Variants in MYH11 observed in about 807,000 individuals in gnomAD.
MYH11 encodes myosin-11.
In MYH11, 80 loss-of-function variants were observed where a neutral mutation model predicts 246.6. The ratio of observed to expected loss-of-function variants is 0.32; its 90% CI spans 0.27 to 0.39. MYH11 has a LOEUF of 0.39. MYH11 is among the 10% of genes least tolerant of loss of function. MYH11 has a pLI of 1.00. For missense variants in MYH11, 2,158 were observed against 2,546.8 expected (o/e 0.85, Z 3.29); for synonymous variants, 1,071 against 1,015.5 (o/e 1.05, Z -1.04).
At chr16:15,723,511 G>GT (rs1235071366) in intron 31 of MYH11, among the ~76,000 whole-genome samples, 2 of 147,556 alleles carry the variant, frequency 1.4e-5, no homozygotes, top group Non-Finnish European at 2.9e-5. Context: ...GCCAGACATA[G>GT]TGGTGTGCTC....
chr16:15,759,660 G>C lies in MYH11; in HGVS notation c.1317C>G (p.Arg439=). The change falls in exon 12 of 41, where the codon CGC becomes CGG. Residue 439 remains arginine, a synonymous_variant. Coordinates refer to ENST00000300036, the MANE Select transcript of MYH11 (RefSeq NM_002474.3). ...GGGTCTTGTCCAGGGCTTTGTTCAC[G>C]CGGGTGAGTATCCAGCGGAAAAGGC... ...YERLFRWILT[R]VNKALDKTHR... 6.2e-7 allele frequency: 1 copy of C among 1,614,196 alleles called. No homozygotes were observed. The highest frequency in any genetic ancestry group is 8.5e-7 in the Non-Finnish European group (1 of 1,180,042).
chr16:15,719,171 T>A (rs1567691274), intron 36 of MYH11, 49 bp downstream of exon 36: 1 of 1,530,774 alleles, frequency 6.5e-7, no homozygotes, highest in Non-Finnish European at 9.0e-7. Context: ...ATGCTGCCTG[T>A]CCCCCCATCC....
At chr16:15,780,748 G>T (rs1238674993) in intron 6 of MYH11, among the ~76,000 whole-genome samples, 1 of 151,856 alleles carries the variant, frequency 6.6e-6, no homozygotes, top group East Asian at 1.9e-4. Flanking sequence ...CTCCCAAGGT[G>T]CTGGGTTTAC....
At chr16:15,757,149 G>C (rs938886731) in intron 13 of MYH11, among the ~76,000 whole-genome samples, 9 of 151,434 alleles carry the variant, frequency 5.9e-5, no homozygotes, top group Admixed American at 5.9e-4. Flanking sequence ...ATTCACCTAG[G>C]GTTCCTGTTA....
intron 3 of MYH11, among the ~76,000 whole-genome samples, chr16:15,821,633 G>C (rs2043412531): frequency 6.6e-6 from 1 of 151,778 alleles, no homozygotes; most frequent in Admixed American, 6.6e-5. Flanking sequence ...AAAGAACCAG[G>C]AATTGCTGGG....
intron 26 of MYH11, among the ~76,000 whole-genome samples, chr16:15,734,782 G>A (rs780965647): frequency 3.1e-4 from 47 of 152,108 alleles, no homozygotes; most frequent in Non-Finnish European, 2.8e-4. Context: ...ATTAGTGTTA[G>A]TGTATCTTAT....
chr16:15,770,708 C>A (rs145454609), intron 9 of MYH11, among the ~76,000 whole-genome samples: 1 of 152,122 alleles, frequency 6.6e-6, no homozygotes, highest in Non-Finnish European at 1.5e-5. Context: ...AACCACCCTG[C>A]GCTTTCCACA....
chr16:15,738,495 A>T (rs574536449), intron 24 of MYH11, 70 bp downstream of exon 24: 8 of 1,452,614 alleles, frequency 5.5e-6, no homozygotes, highest in Non-Finnish European at 9.3e-7. Context: ...CCTGGGCAAC[A>T]GAGCAAGACC....
intron 3 of MYH11, among the ~76,000 whole-genome samples, chr16:15,801,597 G>C (rs997873563): frequency 2.0e-5 from 3 of 152,120 alleles, no homozygotes; most frequent in African/African-American, 7.2e-5. Context: ...GGAGTTCAAG[G>C]TTGCAGTGAG....
intron 9 of MYH11, among the ~76,000 whole-genome samples, chr16:15,768,667 T>C (rs895030051): frequency 7.2e-5 from 11 of 152,232 alleles, no homozygotes; most frequent in Admixed American, 5.9e-4. Flanking sequence ...TTTGTTTTAA[T>C]AGAAAACTTT....
chr16:15,717,039 C>T (rs914548575), intron 38 of MYH11, 101 bp downstream of exon 38: 3 of 1,302,274 alleles, frequency 2.3e-6, no homozygotes, highest in African/African-American at 2.9e-5. Context: ...TTGCTTCTTA[C>T]AAGCCAGAAC....
chr16:15,843,540 A>G (rs1051983982), intron 1 of MYH11, among the ~76,000 whole-genome samples: 168 of 151,636 alleles, frequency 1.1e-3, no homozygotes, highest in Non-Finnish European at 1.9e-3. Context: ...AAAAAAAAAA[A>G]AAATTAGCCG....
At chr16:15,768,056 G>C (rs2042022522) in intron 9 of MYH11, among the ~76,000 whole-genome samples, 1 of 152,038 alleles carries the variant, frequency 6.6e-6, no homozygotes, top group South Asian at 2.1e-4. Context: ...GGGATTACAG[G>C]CATGAGCCAT....
chr16:15,834,158 T>C (rs1040092785), intron 2 of MYH11, among the ~76,000 whole-genome samples: 1 of 152,016 alleles, frequency 6.6e-6, no homozygotes, highest in East Asian at 1.9e-4. Context: ...TGATGATACG[T>C]CTTAGATGAA....
chr16:15,766,380 TGTGTGTGTGA>T (rs1483736057), intron 9 of MYH11, among the ~76,000 whole-genome samples: 89 of 147,006 alleles, frequency 6.1e-4, no homozygotes, highest in Middle Eastern at 3.5e-3. Context: ...TGTGTGTGTG[TGTGTGTGTGA>T]GACTGAGTCT....
At chr16:15,793,824 C>T (rs796501344) in intron 4 of MYH11, among the ~76,000 whole-genome samples, 9 of 144,204 alleles carry the variant, frequency 6.2e-5, no homozygotes, top group South Asian at 2.2e-4. Flanking sequence ...GGGGTTTCAC[C>T]GTGTTAGCCA....
chr16:15,784,986 C>G, intron 5 of MYH11: 1 of 367,440 alleles, frequency 2.7e-6, no homozygotes, highest in Middle Eastern at 7.5e-4. Context: ...GGCATGCACA[C>G]CAGGCCCAGC....
chr16:15,779,874 T>A (rs1393897890), intron 6 of MYH11, among the ~76,000 whole-genome samples: 1 of 152,258 alleles, frequency 6.6e-6, no homozygotes, highest in Non-Finnish European at 1.5e-5. Context: ...TTTCATCCTT[T>A]TCCCCCATCA....
rs752854220 is a variant in MYH11, at chr16:15,724,215, G to A, written c.4311C>T (p.Asp1437=). The A allele has an allele frequency of 5.6e-6, 9 of 1,614,042 alleles. No homozygotes were observed. The highest frequency in any genetic ancestry group is 1.3e-5 in the African/African-American group (1 of 74,936). ...GGTTGGACACGAGTTGCCGCTGGTTGTCCAAATCAACAACCAGGTCGTCCA... is the reference window on the plus strand; with the variant it reads ...GGTTGGACACGAGTTGCCGCTGGTTATCCAAATCAACAACCAGGTCGTCCA... The part of the protein sequence containing the change: ...QELDDLVVDL[D]NQRQLVSNLE... The change falls in exon 31 of 41, where the codon GAC becomes GAT. Residue 1437 remains aspartate (D), a synonymous_variant. Transcript: ENST00000300036.
Sources: allele counts gnomAD v4.1 joint callset (sites outside exome capture counted in the v4.1 genomes callset), GRCh38; gene constraint gnomAD v4.1.1; transcripts MANE v1.5; gene names NCBI Gene and HGNC (gene_info 2026-07-23, HGNC 2026-07-21).